Variants in KCNH5 observed in about 807,000 individuals in gnomAD.
The protein encoded by KCNH5 is voltage-gated delayed rectifier potassium channel KCNH5.
KCNH5 carries 46 observed loss-of-function variants against 96.1 expected under a neutral mutation model. That is an observed-to-expected ratio of 0.48 (90% CI 0.38 to 0.61). KCNH5 has a LOEUF of 0.61. Among genes scored for constraint, KCNH5 ranks in the 20% least tolerant of loss-of-function variants. The pLI, the probability that KCNH5 is intolerant of heterozygous loss-of-function variation, is 0.00. For synonymous variants in KCNH5, 439 were observed against 449.8 expected (o/e 0.98, Z 0.30); for missense variants, 907 against 1,225.8 (o/e 0.74, Z 3.88).
chr14:62,974,570 T>G (rs566282121), intron 6 of KCNH5, among the ~76,000 whole-genome samples: 1 of 152,306 alleles, frequency 6.6e-6, no homozygotes, highest in South Asian at 2.1e-4. Flanking sequence ...GAATCACATA[T>G]TCAGTTCATG....
chr14:62,796,622 A>T (rs1245118545), intron 9 of KCNH5, among the ~76,000 whole-genome samples: 1 of 152,190 alleles, frequency 6.6e-6, no homozygotes, highest in African/African-American at 2.4e-5. Context: ...GTCATGGCCC[A>T]TGTGAACCTG....
chr14:62,893,329 T>C (rs1250962247), intron 7 of KCNH5, among the ~76,000 whole-genome samples: 1 of 152,220 alleles, frequency 6.6e-6, no homozygotes. Flanking sequence ...AATTCTGCAG[T>C]GAATTCACTA....
chr14:63,042,003 A>G (rs374247585), intron 1 of KCNH5, among the ~76,000 whole-genome samples: 23 of 152,216 alleles, frequency 1.5e-4, no homozygotes, highest in African/African-American at 5.3e-4. Context: ...CACATCATCA[A>G]AAAAATGTTC....
At chr14:62,992,455 A>G (rs1450141428) in intron 4 of KCNH5, among the ~76,000 whole-genome samples, 1 of 152,044 alleles carries the variant, frequency 6.6e-6, no homozygotes, top group South Asian at 2.1e-4. Context: ...AGTGTACAAG[A>G]GTTCCCTTTT....
intron 1 of KCNH5, among the ~76,000 whole-genome samples, chr14:63,031,256 C>T (rs1430146135): frequency 6.6e-6 from 1 of 152,076 alleles, no homozygotes; most frequent in African/African-American, 2.4e-5. Context: ...TAAGGAGGCA[C>T]TTCCTCTTTA....
chr14:63,039,482 A>G (rs1891782794), intron 1 of KCNH5, among the ~76,000 whole-genome samples: 1 of 152,068 alleles, frequency 6.6e-6, no homozygotes, highest in Non-Finnish European at 1.5e-5. Context: ...CACCAATTCA[A>G]TATAAATTAT....
At chr14:62,974,191 A>G (rs1036718402) in intron 6 of KCNH5, among the ~76,000 whole-genome samples, 5 of 152,026 alleles carry the variant, frequency 3.3e-5, no homozygotes, top group Non-Finnish European at 2.9e-5. Context: ...TCTTTTCCCA[A>G]TTTCATTTTT....
At position 62,769,624 on chromosome 14, in the gene KCNH5, G is replaced by T. The variant is rs557685643; in HGVS notation, c.2019+10104C>A. 3.3e-5 allele frequency among the ~76,000 whole-genome samples: 5 copies of T among 152,284 alleles called. No homozygotes were observed. In the South Asian group the frequency reaches 1.0e-3, roughly 32 times the overall value. On this transcript the variant is annotated intron_variant, in intron 10 of 10. Transcript: ENST00000322893. ...GCAGCTGGGAGTTAACTCTAATCGT[G>T]ATTTAACACCAATTAATAATGGTAA...
rs1361144240 is a variant in KCNH5, at chr14:62,702,725, A to G, written c.*4783T>C. ...TCATCATCTTTCTAGTTCCCAGTCC[A>G]AATCCTCAGTGGTCCTGACCCTCAT... is the stretch of plus-strand genomic sequence containing the variant. On this transcript the variant is annotated 3_prime_UTR_variant, in exon 11 of 11. Coordinates refer to ENST00000322893, the MANE Select transcript of KCNH5 (RefSeq NM_139318.5). 1 of 151,972 alleles carries G rather than the reference A, an allele frequency of 6.6e-6. No homozygotes were observed. The highest frequency in any genetic ancestry group is 2.4e-5 in the African/African-American group (1 of 41,432). 9.4% of individuals were successfully genotyped at this position (151,972 alleles called of 1,614,324 possible). A position where few individuals can be genotyped will look rare whatever the true frequency, so the allele number is the denominator to read the frequency against.
chr14:62,788,630 T>C (rs1886368617), intron 9 of KCNH5, among the ~76,000 whole-genome samples: 1 of 152,112 alleles, frequency 6.6e-6, no homozygotes, highest in Middle Eastern at 3.2e-3. Context: ...GTAAATTTCA[T>C]TGTCATCTTA....
rs1268674756 is a variant in KCNH5 at position 62,707,234 on chromosome 14, AC to A, written c.*273del. 5.4e-6 allele frequency: 1 copy of A among 183,792 alleles called. No homozygotes were observed. Among genetic ancestry groups the A allele is most frequent in the Non-Finnish European group, 1.1e-5 (1 of 89,936 alleles). 11.4% of individuals were successfully genotyped at this position (183,792 alleles called of 1,614,324 possible). On this transcript the variant is annotated 3_prime_UTR_variant, in exon 11 of 11. Coordinates refer to ENST00000322893, the MANE Select transcript of KCNH5 (RefSeq NM_139318.5). ...TTCAAATATTACATTGCCTTGGGTAACAAAAATCATACTCTTTTATTATAGA... is the reference window on the plus strand; with the variant it reads ...TTCAAATATTACATTGCCTTGGGTAAAAAAATCATACTCTTTTATTATAGA...
intron 8 of KCNH5, among the ~76,000 whole-genome samples, chr14:62,843,888 A>G (rs1458485052): frequency 2.0e-5 from 3 of 152,178 alleles, no homozygotes; most frequent in Admixed American, 6.5e-5. Context: ...ATATCTAGTA[A>G]TACGATGAAA....
At chr14:62,725,932 G>A (rs1486271380) in intron 10 of KCNH5, among the ~76,000 whole-genome samples, 1 of 152,224 alleles carries the variant, frequency 6.6e-6, no homozygotes, top group African/African-American at 2.4e-5. Flanking sequence ...TTGAGATAGT[G>A]TGATATTAGC....
At chr14:62,885,440 G>A (rs1480210497) in intron 7 of KCNH5, among the ~76,000 whole-genome samples, 1 of 152,128 alleles carries the variant, frequency 6.6e-6, no homozygotes, top group African/African-American at 2.4e-5. Context: ...TATTCTTACA[G>A]GAAAACATGT....
chr14:62,808,918 C>G (rs1288077033), intron 8 of KCNH5, among the ~76,000 whole-genome samples: 2 of 152,004 alleles, frequency 1.3e-5, no homozygotes, highest in African/African-American at 4.8e-5. Context: ...TGTTCTTAAA[C>G]ACAGGTTTCT....
rs956798970 is a variant in KCNH5 at position 63,006,525 on chromosome 14, A to G, written c.198-53T>C. On this transcript the variant is annotated intron_variant, in intron 2 of 10. Transcript: ENST00000322893. ...ATTTCACTTTTGTGTTGCCTTTCAA[A>G]TGCTACAAAAATCATATAATTGTCT... The G allele has an allele frequency of 9.9e-6, 10 of 1,014,028 alleles. No homozygotes were observed. In the South Asian group the frequency reaches 1.0e-4, roughly 11 times the overall value. The allele number at this position is 1,014,028 out of a possible 1,614,324, so 62.8% of individuals were successfully genotyped here. A position where few individuals can be genotyped will look rare whatever the true frequency, so the allele number is the denominator to read the frequency against.
intron 6 of KCNH5, among the ~76,000 whole-genome samples, chr14:62,974,957 C>T (rs1301206357): frequency 6.6e-6 from 1 of 152,010 alleles, no homozygotes; most frequent in Non-Finnish European, 1.5e-5. Context: ...ATAATAATAC[C>T]CCACCAGATT....
chr14:62,817,808 AG>A (rs1238093271), intron 8 of KCNH5, among the ~76,000 whole-genome samples: 1 of 146,116 alleles, frequency 6.8e-6, no homozygotes, highest in Non-Finnish European at 1.5e-5. Flanking sequence ...TATATATTCT[AG>A]GAATATATTA....
chr14:62,704,188 T>C lies in KCNH5; in HGVS notation c.*3320A>G, dbSNP rs1884389521. ...TTCTAGAGCAATTTCAAACCCCAGATTTTCCATTTTTTTCTCTGATATACA... is the reference window on the plus strand; with the variant it reads ...TTCTAGAGCAATTTCAAACCCCAGACTTTCCATTTTTTTCTCTGATATACA... On this transcript the variant is annotated 3_prime_UTR_variant, in exon 11 of 11. Coordinates refer to ENST00000322893, the MANE Select transcript of KCNH5 (RefSeq NM_139318.5). 1 of 151,866 alleles carries C rather than the reference T, an allele frequency of 6.6e-6. No individual in the cohort carries two copies. The highest frequency in any genetic ancestry group is 2.1e-4 in the South Asian group (1 of 4,826). The allele number at this position is 151,866 out of a possible 1,614,324, so 9.4% of individuals were successfully genotyped here.
Sources: gnomAD v4.1 joint callset for allele counts (sites outside exome capture counted in the v4.1 genomes callset) on GRCh38, gnomAD v4.1.1 for gene constraint, MANE v1.5 for transcripts, NCBI Gene and HGNC (gene_info 2026-07-23, HGNC 2026-07-21) for gene names.